SORCS1: variants seen among roughly 807,000 people sequenced by gnomAD.
SORCS1 encodes the protein sortilin related VPS10 domain containing receptor 1, also known as VPS10 domain-containing receptor SorCS1.
SORCS1 carries 60 observed loss-of-function variants against 146.1 expected under a neutral mutation model. That is an observed-to-expected ratio of 0.41 (90% CI 0.33 to 0.51). The LOEUF is 0.51. Ranked by LOEUF, SORCS1 falls within the 20% of genes least tolerant of loss-of-function variation. SORCS1 has a pLI of 0.21. For synonymous variants in SORCS1, 637 were observed against 584.0 expected (o/e 1.09, Z -1.31); for missense variants, 1,352 against 1,487.6 (o/e 0.91, Z 1.50).
chr10:106,733,944 T>C (rs1411472910), intron 5 of SORCS1, among the ~76,000 whole-genome samples: 1 of 152,218 alleles, frequency 6.6e-6, no homozygotes, highest in Non-Finnish European at 1.5e-5. Context: ...GCAAGTGTTC[T>C]GTCTTTTATC....
chr10:107,057,668 A>G (rs868366973), intron 1 of SORCS1, among the ~76,000 whole-genome samples: 1 of 152,182 alleles, frequency 6.6e-6, no homozygotes, highest in South Asian at 2.1e-4. Flanking sequence ...AACAATGTCT[A>G]ATAGAACTGC....
At chr10:106,995,994 C>G (rs149592189) in intron 1 of SORCS1, among the ~76,000 whole-genome samples, 2 of 151,838 alleles carry the variant, frequency 1.3e-5, no homozygotes, top group Admixed American at 6.6e-5. Context: ...TTTGGGAGGC[C>G]GAAGCGGGTA....
At chr10:107,042,344 A>G (rs1165164066) in intron 1 of SORCS1, among the ~76,000 whole-genome samples, 2 of 152,220 alleles carry the variant, frequency 1.3e-5, no homozygotes, top group Non-Finnish European at 2.9e-5. Flanking sequence ...CATTTACCAA[A>G]TTCTAAAACA....
chr10:106,607,927 C>A (rs548902873), intron 22 of SORCS1, among the ~76,000 whole-genome samples: 1 of 152,166 alleles, frequency 6.6e-6, no homozygotes, highest in Non-Finnish European at 1.5e-5. Context: ...CAGCCCTGTT[C>A]CCTGAAGCAC....
chr10:106,703,635 T>C (rs778695349), intron 8 of SORCS1, among the ~76,000 whole-genome samples: 8 of 152,186 alleles, frequency 5.3e-5, no homozygotes, highest in Non-Finnish European at 7.3e-5. Context: ...GTTGATACAA[T>C]GGTAGTGGGT....
At chr10:107,066,346 G>A (rs913178562) in intron 1 of SORCS1, among the ~76,000 whole-genome samples, 10 of 152,152 alleles carry the variant, frequency 6.6e-5, no homozygotes, top group African/African-American at 2.4e-4. Flanking sequence ...TACTCTGTGA[G>A]TTGCTACCAT....
chr10:106,791,140 G>A (rs1037254061), intron 3 of SORCS1, among the ~76,000 whole-genome samples: 4 of 152,168 alleles, frequency 2.6e-5, no homozygotes, highest in African/African-American at 4.8e-5. Context: ...AGAGGGTGTC[G>A]TGTGACACTT....
chr10:106,850,191 G>C (rs1253028809), intron 2 of SORCS1, among the ~76,000 whole-genome samples: 4 of 151,870 alleles, frequency 2.6e-5, no homozygotes, highest in Non-Finnish European at 5.9e-5. Flanking sequence ...CAGCCTCGCT[G>C]CCGCCTTGCA....
chr10:106,884,971 G>C (rs911977575), intron 2 of SORCS1, among the ~76,000 whole-genome samples: 1 of 152,122 alleles, frequency 6.6e-6, no homozygotes, highest in African/African-American at 2.4e-5. Flanking sequence ...GTTTCACTGG[G>C]ATACAAAAGC....
At chr10:106,854,471 A>G (rs1014504710) in intron 2 of SORCS1, among the ~76,000 whole-genome samples, 6 of 144,698 alleles carry the variant, frequency 4.1e-5, no homozygotes, top group African/African-American at 1.3e-4. Context: ...ATATAGTTGG[A>G]TTATTGCCTA....
chr10:107,118,328 A>G (rs577204971), intron 1 of SORCS1, among the ~76,000 whole-genome samples: 8 of 152,180 alleles, frequency 5.3e-5, no homozygotes, highest in Non-Finnish European at 8.8e-5. Context: ...TGTTGTTTAT[A>G]AGCCACCCAG....
intron 1 of SORCS1, among the ~76,000 whole-genome samples, chr10:107,018,442 T>TC (rs1394790993): frequency 6.6e-6 from 1 of 152,046 alleles, no homozygotes; most frequent in Non-Finnish European, 1.5e-5. Flanking sequence ...CGCCTTGGCC[T>TC]CCCAAAGTGC....
intron 2 of SORCS1, among the ~76,000 whole-genome samples, chr10:106,888,583 C>A (rs1951096952): frequency 6.6e-6 from 1 of 152,184 alleles, no homozygotes; most frequent in Admixed American, 6.5e-5. Context: ...GGTTACATTA[C>A]ATAAAATGAG....
At chr10:106,645,204 T>C (rs1219468197) in intron 18 of SORCS1, among the ~76,000 whole-genome samples, 2 of 151,596 alleles carry the variant, frequency 1.3e-5, no homozygotes, top group Non-Finnish European at 2.9e-5. Flanking sequence ...AGTCTCACTT[T>C]GTCAACCAGG....
At chr10:106,770,376 G>C (rs1859926218) in intron 4 of SORCS1, among the ~76,000 whole-genome samples, 1 of 151,066 alleles carries the variant, frequency 6.6e-6, no homozygotes, top group Non-Finnish European at 1.5e-5. Flanking sequence ...AAATATTCTA[G>C]AACTGCCACA....
intron 1 of SORCS1, among the ~76,000 whole-genome samples, chr10:107,154,533 T>C (rs1969120819): frequency 6.6e-6 from 1 of 152,072 alleles, no homozygotes; most frequent in Non-Finnish European, 1.5e-5. Context: ...AAAAAAACAC[T>C]TTCCCAAGGA....
Position 106,880,323 on chromosome 10 carries a change from C to T in SORCS1, c.627-50650G>A, listed in dbSNP as rs144623521. Reference sequence around the variant, plus strand: ...TATGAAATAAAGACTAGCTTTGGTGCTAAAAAACTATAAAATCATCTTTTT... The same window carrying T: ...TATGAAATAAAGACTAGCTTTGGTGTTAAAAAACTATAAAATCATCTTTTT... On this transcript the variant is annotated intron_variant, in intron 2 of 25. Coordinates refer to ENST00000263054, the MANE Select transcript of SORCS1 (RefSeq NM_052918.5). Among the ~76,000 whole-genome samples, 449 of 152,172 alleles carry T rather than the reference C, an allele frequency of 3.0e-3. 2 individuals are homozygous for T. Among genetic ancestry groups the T allele is most frequent in the Middle Eastern group, 6.8e-3 (2 of 294 alleles).
chr10:106,701,455 G>A (rs570647504), intron 8 of SORCS1, among the ~76,000 whole-genome samples: 17 of 152,268 alleles, frequency 1.1e-4, no homozygotes, highest in African/African-American at 3.1e-4. Context: ...GAATGACTGC[G>A]GAGTTATTAG....
At chr10:106,854,990 T>G (rs951387532) in intron 2 of SORCS1, among the ~76,000 whole-genome samples, 3 of 152,332 alleles carry the variant, frequency 2.0e-5, no homozygotes, top group African/African-American at 7.2e-5. Flanking sequence ...GACTTGAGTT[T>G]CTATCCTGTA....
Sources: allele counts gnomAD v4.1 joint callset (sites outside exome capture counted in the v4.1 genomes callset), GRCh38; gene constraint gnomAD v4.1.1; transcripts MANE v1.5; gene names NCBI Gene and HGNC (gene_info 2026-07-23, HGNC 2026-07-21).